Variants in DYNC1H1 observed in about 807,000 individuals in gnomAD.
DYNC1H1 encodes dynein cytoplasmic 1 heavy chain 1.
In DYNC1H1, 51 loss-of-function variants were observed where a neutral mutation model predicts 527.1. That is an observed-to-expected ratio of 0.10 (90% CI 0.08 to 0.12). DYNC1H1 has a LOEUF of 0.12. Ranked by LOEUF, DYNC1H1 falls within the 10% of genes least tolerant of loss-of-function variation. The probability of loss-of-function intolerance (pLI) is 1.00; values close to 1 mark genes in which losing one functional copy is unlikely to be tolerated. For missense variants in DYNC1H1, 2,771 were observed against 5,971.8 expected, an observed-to-expected ratio of 0.46 and a Z score of 17.66; for synonymous variants, 2,189 against 2,278.8, an observed-to-expected ratio of 0.96 and a Z score of 1.12.
chr14:102,041,157 T>G lies in DYNC1H1; in HGVS notation c.11942-417T>G. On this transcript the variant is annotated intron_variant, in intron 64 of 77. Transcript: ENST00000360184. This position sits in a 1 kb window ranked among gnomAD's most constrained non-coding sequence, Gnocchi z 4.5. Reference sequence around the variant, plus strand: ...CTAATGCTAAGGAGTTAACTGGCTGTATTCATGCTGCAGACAGGAATGGAA... The same window carrying G: ...CTAATGCTAAGGAGTTAACTGGCTGGATTCATGCTGCAGACAGGAATGGAA... The G allele has an allele frequency of 2.9e-6, 1 of 350,754 alleles. No homozygotes were observed. Among genetic ancestry groups the G allele is most frequent in the Non-Finnish European group, 5.5e-6 (1 of 182,806 alleles). 21.7% of individuals were successfully genotyped at this position (350,754 alleles called of 1,614,324 possible).
rs2048306603 is a variant in DYNC1H1 at position 102,015,251 on chromosome 14, G to A, written c.7161G>A (p.Leu2387=). Residue 2387 remains leucine (L), a synonymous_variant, in exon 35 of 78, where the codon CTG becomes CTA. Coordinates refer to ENST00000360184, the MANE Select transcript of DYNC1H1 (RefSeq NM_001376.5). The surrounding 1 kb of genome is among the most constrained non-coding windows in gnomAD (Gnocchi z 6.9). ...TGGCCAGGCTGCGCAGCATCCCGCTGGATGAAGGGGAGGATGAGGCACAGC... is the reference window on the plus strand; with the variant it reads ...TGGCCAGGCTGCGCAGCATCCCGCTAGATGAAGGGGAGGATGAGGCACAGC... ...NFLARLRSIP[L]DEGEDEAQRR... 5 of 1,614,118 alleles carry A rather than the reference G, an allele frequency of 3.1e-6. No homozygotes were observed. The highest frequency in any genetic ancestry group is 3.4e-6 in the Non-Finnish European group (4 of 1,180,050).
At position 102,047,641 on chromosome 14, in the gene DYNC1H1, G is replaced by GTGTATATATA; in HGVS notation, c.13007-175_13007-174insGTATATATAT. The GTGTATATATA allele has an allele frequency of 4.9e-4, 154 of 316,748 alleles. 6 individuals carry two copies. The African/African-American group carries it at 5.7e-3, about 12-fold the overall frequency. The allele number at this position is 316,748 out of a possible 1,614,324, so 19.6% of individuals were successfully genotyped here. On this transcript the variant is annotated intron_variant, in intron 72 of 77. Transcript: ENST00000360184. The stretch of plus-strand genomic sequence containing the variant: ...TACACGTGTGTGTGTGTGTGTGTGT[G>GTGTATATATA]TATATATATATATATATATATATGT...
intron 42 of DYNC1H1, among the ~76,000 whole-genome samples, chr14:102,022,535 A>G (rs1409989736): frequency 2.0e-5 from 3 of 151,940 alleles, no homozygotes; most frequent in Non-Finnish European, 4.4e-5. Context: ...AGACTCTGTA[A>G]GTAAGTAAGT....
rs1467809892 is a variant in DYNC1H1 at position 102,050,882 on chromosome 14, A to G, written c.*319A>G. 3 of 386,992 alleles carry G rather than the reference A, an allele frequency of 7.8e-6. No individual in the cohort carries two copies. Among genetic ancestry groups the G allele is most frequent in the South Asian group, 4.4e-5 (2 of 45,746 alleles). The allele number at this position is 386,992 out of a possible 1,614,324, so 24.0% of individuals were successfully genotyped here. A position where few individuals can be genotyped will look rare whatever the true frequency, so the allele number is the denominator to read the frequency against. On this transcript the variant is annotated 3_prime_UTR_variant, in exon 78 of 78. Transcript: ENST00000360184. ...CCAGGGAGGGCAGCCCACGGCAGCC[A>G]TGCCCCTCCCCACCTCGCTTTCATC... is the stretch of plus-strand genomic sequence containing the variant.
rs747776063 is a variant in DYNC1H1, at chr14:101,997,295, A to G, written c.3804+21A>G. 21 of 1,613,898 alleles carry G rather than the reference A, an allele frequency of 1.3e-5. No individual in the cohort carries two copies. Among genetic ancestry groups the G allele is most frequent in the Middle Eastern group, 3.3e-4 (2 of 6,076 alleles). ...TCACGGTGAGTCCCGCCAGGTGGGG[A>G]CGCAGGAGACTCCTCACCCAGCAGT... On this transcript the variant is annotated intron_variant, in intron 16 of 77. Coordinates refer to ENST00000360184, the MANE Select transcript of DYNC1H1 (RefSeq NM_001376.5). The surrounding 1 kb of genome is among the most constrained non-coding windows in gnomAD (Gnocchi z 4.8).
intron 23 of DYNC1H1, among the ~76,000 whole-genome samples, chr14:102,004,246 A>G (rs1429378141): frequency 1.3e-5 from 1 of 74,768 alleles, no homozygotes; most frequent in Non-Finnish European, 2.2e-5. Context: ...TCCGTCTCAA[A>G]AATAAATAAA....
Position 102,050,766 on chromosome 14 carries a change from T to G in DYNC1H1, c.*203T>G. The G allele has an allele frequency of 1.4e-6, 1 of 711,670 alleles. No individual in the cohort carries two copies. The highest frequency in any genetic ancestry group is 2.3e-6 in the Non-Finnish European group (1 of 432,132). 44.1% of individuals were successfully genotyped at this position (711,670 alleles called of 1,614,324 possible). The stretch of plus-strand genomic sequence containing the variant: ...TTGGGAAGGCCAATGGCGTGGCTCC[T>G]TTGAGGAAATAAAACACTAAGCATG... On this transcript the variant is annotated 3_prime_UTR_variant, in exon 78 of 78. Coordinates refer to ENST00000360184, the MANE Select transcript of DYNC1H1 (RefSeq NM_001376.5).
chr14:102,025,820 T>C (rs1301455592), intron 43 of DYNC1H1, among the ~76,000 whole-genome samples: 1 of 152,100 alleles, frequency 6.6e-6, no homozygotes, highest in Admixed American at 6.5e-5. Context: ...TAAGTCTGTT[T>C]AATAGGGCAG....
intron 1 of DYNC1H1, 103 bp from the exon 2 acceptor site, chr14:101,975,609 T>C: frequency 9.5e-7 from 1 of 1,055,350 alleles, no homozygotes; most frequent in Admixed American, 1.9e-5. Context: ...GGTGTCGATA[T>C]GTCAGGCTGG....
intron 1 of DYNC1H1, among the ~76,000 whole-genome samples, chr14:101,973,655 T>C (rs2047765580): frequency 6.6e-6 from 1 of 151,924 alleles, no homozygotes; most frequent in African/African-American, 2.4e-5. Context: ...GTTTTAAAAA[T>C]CCACTGAAGG....
At chr14:102,025,333 A>G (rs1343015229) in intron 43 of DYNC1H1, among the ~76,000 whole-genome samples, 2 of 151,752 alleles carry the variant, frequency 1.3e-5, no homozygotes, top group East Asian at 3.9e-4. Context: ...TAAACCTGGG[A>G]GGCAGAGGTT....
intron 23 of DYNC1H1, among the ~76,000 whole-genome samples, chr14:102,003,729 C>A (rs1019637559): frequency 1.3e-5 from 2 of 148,932 alleles, no homozygotes; most frequent in East Asian, 4.1e-4. Flanking sequence ...CAGTTTAGGA[C>A]CAGCCTGGAC....
rs1474620810 is a variant in DYNC1H1, at chr14:102,039,261, G to T, written c.11460+7G>T. 5.0e-6 allele frequency: 8 copies of T among 1,613,264 alleles called. No individual in the cohort carries two copies. Among genetic ancestry groups the T allele is most frequent in the Non-Finnish European group, 6.8e-6 (8 of 1,180,034 alleles). On this transcript the variant is annotated splice_region_variant and intron_variant, in intron 60 of 77. Transcript: ENST00000360184. This position sits in a 1 kb window ranked among gnomAD's most constrained non-coding sequence, Gnocchi z 7.0. Reference sequence around the variant, plus strand: ...CATGGAGTCCCTCAAGCAGGTGGGTGCCTTGGCCATGCAGAGACTGGCGGG... The same window carrying T: ...CATGGAGTCCCTCAAGCAGGTGGGTTCCTTGGCCATGCAGAGACTGGCGGG...
At chr14:102,030,635 T>C (rs1419949128) in intron 51 of DYNC1H1, 1 of 323,224 alleles carries the variant, frequency 3.1e-6, no homozygotes, top group Middle Eastern at 1.0e-3. Context: ...ATATAAAATA[T>C]TCAGTGTAAC....
chr14:101,994,194 A>C lies in DYNC1H1; in HGVS notation c.3026A>C (p.His1009Pro), dbSNP rs1240809477. The C allele has an allele frequency of 1.2e-6, 2 of 1,614,216 alleles. No individual in the cohort carries two copies. Among genetic ancestry groups the C allele is most frequent in the South Asian group, 1.1e-5 (1 of 91,084 alleles). Residue 1009 changes from histidine to proline, a missense_variant, in exon 12 of 78, where the codon CAT (histidine) becomes CCT (proline). Physicochemically the swap from His to Pro is moderately conservative, Grantham distance 77. This residue lies in a region of DYNC1H1 where 179 missense variants were observed against 349.4 expected (regional missense o/e 0.51). Coordinates refer to ENST00000360184, the MANE Select transcript of DYNC1H1 (RefSeq NM_001376.5). Reference protein sequence around the residue: ...IQSQRYQVGVHYELTEEEKFY... With the variant: ...IQSQRYQVGVPYELTEEEKFY... ...GCTTTGGTTGGCTAGGTGGGTGTACATTACGAATTGACTGAGGAAGAGAAA... is the reference window on the plus strand; with the variant it reads ...GCTTTGGTTGGCTAGGTGGGTGTACCTTACGAATTGACTGAGGAAGAGAAA...
rs2048253275 is a variant in DYNC1H1 at position 102,011,048 on chromosome 14, A to G, written c.6618+96A>G. The G allele has an allele frequency of 1.5e-6, 2 of 1,333,048 alleles. No individual in the cohort carries two copies. Among genetic ancestry groups the G allele is most frequent in the African/African-American group, 2.9e-5 (2 of 69,416 alleles). The allele number at this position is 1,333,048 out of a possible 1,614,324, so 82.6% of individuals were successfully genotyped here. On this transcript the variant is annotated intron_variant, in intron 32 of 77. Coordinates refer to ENST00000360184, the MANE Select transcript of DYNC1H1 (RefSeq NM_001376.5). The surrounding 1 kb of genome is among the most constrained non-coding windows in gnomAD (Gnocchi z 5.3). ...CGTGGGCCCTTCGATGAAACTGTCC[A>G]CAAAGGCTGTGGAGGTGCATAATAT...
intron 28 of DYNC1H1, 111 bp downstream of exon 28, chr14:102,007,219 T>G (rs2048206653): frequency 8.8e-7 from 1 of 1,134,882 alleles, no homozygotes; most frequent in African/African-American, 1.5e-5. Context: ...CTCAGCGTGG[T>G]TTATATGGCC....
intron 11 of DYNC1H1, among the ~76,000 whole-genome samples, chr14:101,992,409 G>A (rs761741549): frequency 8.5e-5 from 13 of 152,268 alleles, no homozygotes; most frequent in African/African-American, 3.1e-4. Context: ...ATTGGCTTCT[G>A]CCCTTCAAGG....
chr14:102,021,106 A>AGTG (rs980474962), intron 42 of DYNC1H1, among the ~76,000 whole-genome samples: 3 of 152,152 alleles, frequency 2.0e-5, no homozygotes, highest in Admixed American at 2.0e-4. Context: ...GGCTGGGCAT[A>AGTG]GTGGTTCACA....
Sources: allele counts gnomAD v4.1 joint callset (sites outside exome capture counted in the v4.1 genomes callset), GRCh38; gene constraint gnomAD v4.1.1; regional missense constraint gnomAD v4.1.1; non-coding constraint Gnocchi (gnomAD v3.1); transcripts MANE v1.5; gene names NCBI Gene and HGNC (gene_info 2026-07-23, HGNC 2026-07-21).